Variants in PTBP3 observed in about 807,000 individuals in gnomAD.
The protein encoded by PTBP3 is polypyrimidine tract binding protein 3.
Under a neutral mutation model 58.7 loss-of-function variants are expected in PTBP3, and 20 were observed. That is an observed-to-expected ratio of 0.34 (90% CI 0.24 to 0.50). The LOEUF (loss-of-function observed/expected upper bound fraction) is 0.50, where lower values mean the gene tolerates loss of function less well. PTBP3 is among the 20% of genes least tolerant of loss of function. The pLI, the probability that PTBP3 is intolerant of heterozygous loss-of-function variation, is 0.98. For missense variants in PTBP3, 509 were observed against 637.2 expected (o/e 0.80, Z 2.17); for synonymous variants, 185 against 219.8 (o/e 0.84, Z 1.40).
the PTBP3 span, among the ~76,000 whole-genome samples, chr9:112,342,453 ACG>A: frequency 6.6e-6 from 1 of 152,248 alleles, no homozygotes; most frequent in Admixed American, 6.5e-5. Context: ...ACAGTGGCTC[ACG>A]CCTGTAATCC....
At chr9:112,251,238 CT>C in intron 6 of PTBP3, 135 bp from the exon 7 acceptor site, 1 of 561,746 alleles carries the variant, frequency 1.8e-6, no homozygotes, top group Non-Finnish European at 2.8e-6. Flanking sequence ...CTTGGGTTTA[CT>C]TTTACCTCAC....
chr9:112,370,960 A>G, the PTBP3 span, among the ~76,000 whole-genome samples: 3 of 151,910 alleles, frequency 2.0e-5, no homozygotes. Flanking sequence ...TGCATTTTTA[A>G]TATTCTGCCT....
chr9:112,348,899 G>A, the PTBP3 span, among the ~76,000 whole-genome samples: 1 of 152,064 alleles, frequency 6.6e-6, no homozygotes, highest in African/African-American at 2.4e-5. Context: ...CTCCACTCAC[G>A]GGTTGAGAAT....
upstream of PTBP3, among the ~76,000 whole-genome samples, chr9:112,338,241 T>C (rs1226037243): frequency 6.6e-6 from 1 of 152,216 alleles, no homozygotes; most frequent in Non-Finnish European, 1.5e-5. Context: ...AATAAAACAG[T>C]TCTGTGTCTT....
intron 7 of PTBP3, among the ~76,000 whole-genome samples, chr9:112,246,111 T>C (rs562311829): frequency 2.8e-4 from 43 of 152,034 alleles, no homozygotes; most frequent in Non-Finnish European, 4.7e-4. Context: ...GCCCCCCTAG[T>C]AGCTGGGACT....
chr9:112,305,317 A>T (rs7851420), intron 1 of PTBP3, among the ~76,000 whole-genome samples: 21 of 150,568 alleles, frequency 1.4e-4, no homozygotes, highest in African/African-American at 5.1e-4. Context: ...TCATAGGGTA[A>T]GGAATAGCCA....
intron 8 of PTBP3, among the ~76,000 whole-genome samples, chr9:112,232,663 A>G (rs891150577): frequency 6.6e-6 from 1 of 152,234 alleles, no homozygotes; most frequent in African/African-American, 2.4e-5. Flanking sequence ...AGTCAAAAAC[A>G]TGCATGCTAG....
intron 1 of PTBP3, among the ~76,000 whole-genome samples, chr9:112,324,660 TTAA>T (rs1830088507): frequency 7.3e-6 from 1 of 136,738 alleles, no homozygotes; most frequent in African/African-American, 2.6e-5. Flanking sequence ...TTTTTTTTTT[TTAA>T]AAAAAAACAA....
intron 7 of PTBP3, among the ~76,000 whole-genome samples, chr9:112,250,693 A>G (rs1836075403): frequency 6.6e-6 from 1 of 152,206 alleles, no homozygotes; most frequent in African/African-American, 2.4e-5. Flanking sequence ...AGAATGAGTA[A>G]TATCAATGTT....
At position 112,220,166 on chromosome 9, in the gene PTBP3, C is replaced by G; in HGVS notation, c.*3685G>C. On this transcript the variant is annotated 3_prime_UTR_variant, in exon 14 of 14. Coordinates refer to ENST00000374257, the MANE Select transcript of PTBP3 (RefSeq NM_001163788.4). ...GGATAGGTGGGGAAAAACACATGTA[C>G]TTTTGTCAATTTTTTGTCCAAAAAT... 2.3e-6 allele frequency: 3 copies of G among 1,327,486 alleles called. No homozygotes were observed. The highest frequency in any genetic ancestry group is 4.8e-5 in the East Asian group (1 of 20,966). 82.2% of individuals were successfully genotyped at this position (1,327,486 alleles called of 1,614,324 possible). A position where few individuals can be genotyped will look rare whatever the true frequency, so the allele number is the denominator to read the frequency against.
chr9:112,297,889 CAGAAGAA>C lies in PTBP3; in HGVS notation c.-31_-25del. ...ATGGTAAAAGGTCCGTTAATGATGC[CAGAAGAA>C]AGAAGCTCATCAGATCCCCGCTGAA... On this transcript the variant is annotated 5_prime_UTR_variant, in exon 2 of 14. An upstream open reading frame in the 5' UTR gains an earlier in-frame stop. Transcript: ENST00000374257. 6.2e-7 allele frequency: 1 copy of C among 1,612,332 alleles called. No homozygotes were observed. Among genetic ancestry groups the C allele is most frequent in the Non-Finnish European group, 8.5e-7 (1 of 1,179,428 alleles).
chr9:112,376,156 G>GATAT, the PTBP3 span, among the ~76,000 whole-genome samples: 246 of 116,802 alleles, frequency 2.1e-3, 5 homozygotes, highest in Middle Eastern at 0.02. Flanking sequence ...TTCTCTAGAG[G>GATAT]ATATATATAT....
intron 1 of PTBP3, among the ~76,000 whole-genome samples, chr9:112,301,335 AAAAGTTACAATATC>A (rs1422791871): frequency 6.6e-6 from 1 of 152,160 alleles, no homozygotes; most frequent in African/African-American, 2.4e-5. Flanking sequence ...ACCTAAAATA[AAAAGTTACAATATC>A]AAATGCAGAC....
intron 5 of PTBP3, among the ~76,000 whole-genome samples, chr9:112,256,347 T>C (rs1431186646): frequency 5.3e-5 from 8 of 150,202 alleles, no homozygotes; most frequent in African/African-American, 1.7e-4. Flanking sequence ...CTGTACTATA[T>C]ATTTATTTAT....
chr9:112,369,632 C>T, the PTBP3 span, among the ~76,000 whole-genome samples: 897 of 152,286 alleles, frequency 5.9e-3, 11 homozygotes, highest in Middle Eastern at 0.037. Flanking sequence ...GTGGAAGAGG[C>T]TTGCCTTGTC....
At chr9:112,333,300 C>T (rs1320319150) in intron 1 of PTBP3, among the ~76,000 whole-genome samples, 170 bp downstream of exon 1, 1 of 151,618 alleles carries the variant, frequency 6.6e-6, no homozygotes, top group Non-Finnish European at 1.5e-5. Context: ...TCCGCGATTC[C>T]GGGATCCCCA....
intron 2 of PTBP3, among the ~76,000 whole-genome samples, chr9:112,282,039 C>T (rs1827889939): frequency 6.6e-6 from 1 of 152,136 alleles, no homozygotes; most frequent in Non-Finnish European, 1.5e-5. Flanking sequence ...TGCAAGCAAG[C>T]TCTCTAGTGT....
intron 1 of PTBP3, among the ~76,000 whole-genome samples, chr9:112,309,317 T>G (rs1829372443): frequency 6.6e-6 from 1 of 152,068 alleles, no homozygotes; most frequent in African/African-American, 2.4e-5. Flanking sequence ...CTCATACTGG[T>G]TCTGCTCTAA....
chr9:112,222,997 A>G lies in PTBP3; in HGVS notation c.*854T>C, dbSNP rs930952900. 4.7e-6 allele frequency: 4 copies of G among 847,718 alleles called. No homozygotes were observed. In the African/African-American group the frequency reaches 5.5e-5, roughly 12 times the overall value. The allele number at this position is 847,718 out of a possible 1,614,324, so 52.5% of individuals were successfully genotyped here. The stretch of plus-strand genomic sequence containing the variant: ...AACTTTTTTTCTGAAAACAATTATA[A>G]AAAAGTAGTTTATAAGTAGGATTAT... On this transcript the variant is annotated 3_prime_UTR_variant, in exon 14 of 14. Coordinates refer to ENST00000374257, the MANE Select transcript of PTBP3 (RefSeq NM_001163788.4).
Sources: gnomAD v4.1 joint callset for allele counts (sites outside exome capture counted in the v4.1 genomes callset) on GRCh38, gnomAD v4.1.1 for gene constraint, MANE v1.5 for transcripts, NCBI Gene and HGNC (gene_info 2026-07-23, HGNC 2026-07-21) for gene names.